Variants in UGT1A8 observed in about 807,000 individuals in gnomAD.
UGT1A8 encodes UDP glucuronosyltransferase family 1 member A8.
UGT1A8 carries 39 observed loss-of-function variants against 45.3 expected under a neutral mutation model. The ratio of observed to expected loss-of-function variants is 0.86; its 90% CI spans 0.67 to 1.12. The LOEUF (loss-of-function observed/expected upper bound fraction) is 1.12. UGT1A8 is among the 50% of genes most tolerant of loss of function. The pLI, the probability that UGT1A8 is intolerant of heterozygous loss-of-function variation, is 0.00. For missense variants in UGT1A8, 719 were observed against 664.9 expected, an observed-to-expected ratio of 1.08 and a Z score of -0.90; for synonymous variants, 275 against 249.2, an observed-to-expected ratio of 1.10 and a Z score of -0.97.
chr2:233,638,190 T>C (rs2073353049), intron 1 of UGT1A8, among the ~76,000 whole-genome samples: 1 of 152,198 alleles, frequency 6.6e-6, no homozygotes, highest in Non-Finnish European at 1.5e-5. Context: ...CACTATTTAT[T>C]CAGATCTTGT....
chr2:233,762,018 T>C (rs141035986), intron 1 of UGT1A8, among the ~76,000 whole-genome samples: 3 of 152,328 alleles, frequency 2.0e-5, no homozygotes, highest in African/African-American at 7.2e-5. Flanking sequence ...ATGTGATTTG[T>C]ATTTTATTTT....
intron 1 of UGT1A8, chr2:233,754,501 CT>C (rs1695497975): frequency 2.8e-6 from 1 of 356,918 alleles, no homozygotes; most frequent in Non-Finnish European, 5.6e-6. Context: ...AAAAAGTCCG[CT>C]ATTCCTCCAG....
chr2:233,642,272 G>A (rs1218449710), intron 1 of UGT1A8, among the ~76,000 whole-genome samples: 1 of 152,006 alleles, frequency 6.6e-6, no homozygotes, highest in Admixed American at 6.6e-5. Flanking sequence ...ATTATTTCTT[G>A]TGTTTGGTCC....
chr2:233,755,882 G>A (rs1696054394), intron 1 of UGT1A8: 2 of 152,208 alleles, frequency 1.3e-5, no homozygotes, highest in Non-Finnish European at 2.9e-5. Context: ...ACCTTTTTAT[G>A]TAACTTTTTT....
In UGT1A8 at chr2:233,659,709, TCTTTC is replaced by T. The variant is rs770628164; in HGVS notation, c.855+41148_855+41152del. 5.2e-3 allele frequency among the ~76,000 whole-genome samples: 793 copies of T among 152,346 alleles called. 4 individuals are homozygous for T. The highest frequency in any genetic ancestry group is 8.6e-3 in the Non-Finnish European group (586 of 68,036). ...CATAATTACTGTCTGACATTTTTGC[TCTTTC>T]AGTTCTTTAAAAATGCTTGATATAG... On this transcript the variant is annotated intron_variant, in intron 1 of 4. Coordinates refer to ENST00000373450, the MANE Select transcript of UGT1A8 (RefSeq NM_019076.5).
chr2:233,683,038 T>A (rs1300637615), intron 1 of UGT1A8, among the ~76,000 whole-genome samples: 1 of 152,184 alleles, frequency 6.6e-6, no homozygotes, highest in Non-Finnish European at 1.5e-5. Context: ...CTAAATGCTA[T>A]TTTTGGAAAA....
chr2:233,717,741 G>A (rs1450778461), intron 1 of UGT1A8: 3 of 456,402 alleles, frequency 6.6e-6, no homozygotes, highest in African/African-American at 6.0e-5. Flanking sequence ...TGAGTGCTCA[G>A]GGTCTCCCCC....
chr2:233,672,529 G>C, intron 1 of UGT1A8: 2 of 1,613,928 alleles, frequency 1.2e-6, no homozygotes, highest in East Asian at 2.2e-5. Flanking sequence ...AGGGTTCTCA[G>C]ATGCCATGAC....
At chr2:233,665,754 A>C (rs1324010221) in intron 1 of UGT1A8, among the ~76,000 whole-genome samples, 2 of 152,236 alleles carry the variant, frequency 1.3e-5, no homozygotes, top group Non-Finnish European at 1.5e-5. Context: ...GAAAATTTAA[A>C]AATACACACA....
At chr2:233,652,588 G>A (rs2073766637) in intron 1 of UGT1A8, among the ~76,000 whole-genome samples, 1 of 152,152 alleles carries the variant, frequency 6.6e-6, no homozygotes, top group Admixed American at 6.5e-5. Context: ...AATGCATAAT[G>A]AAATTTCCCC....
chr2:233,627,586 C>T (rs2073106291), intron 1 of UGT1A8, among the ~76,000 whole-genome samples: 1 of 151,764 alleles, frequency 6.6e-6, no homozygotes, highest in African/African-American at 2.4e-5. Flanking sequence ...GGCATAGCTG[C>T]AGCAATGTCT....
rs527503361 is a variant in UGT1A8 at position 233,743,746 on chromosome 2, C to T, written c.856-23288C>T. ...CATAGATATCGCGTTTCTTGGCGTC[C>T]GACAACACCTCGTAGGCCTCGGCCA... On this transcript the variant is annotated intron_variant, in intron 1 of 4. Coordinates refer to ENST00000373450, the MANE Select transcript of UGT1A8 (RefSeq NM_019076.5). The T allele has an allele frequency of 1.3e-5, 18 of 1,367,364 alleles. 1 individual carries two copies. The highest frequency in any genetic ancestry group is 1.0e-4 in the African/African-American group (7 of 67,556). 84.7% of individuals were successfully genotyped at this position (1,367,364 alleles called of 1,614,324 possible).
At chr2:233,715,168 G>A (rs926967380) in intron 1 of UGT1A8, among the ~76,000 whole-genome samples, 5 of 152,054 alleles carry the variant, frequency 3.3e-5, no homozygotes, top group Non-Finnish European at 7.4e-5. Flanking sequence ...TTACAGGCGC[G>A]AGCCACCACA....
At chr2:233,650,889 C>T (rs552721249) in intron 1 of UGT1A8, among the ~76,000 whole-genome samples, 4 of 152,258 alleles carry the variant, frequency 2.6e-5, no homozygotes, top group Non-Finnish European at 4.4e-5. Context: ...GATGATCCCT[C>T]ATCTATTACT....
chr2:233,696,004 G>A (rs1283289203), intron 1 of UGT1A8, among the ~76,000 whole-genome samples: 1 of 152,002 alleles, frequency 6.6e-6, no homozygotes, highest in East Asian at 1.9e-4. Flanking sequence ...ATAGCATCAG[G>A]TCCCACAGAC....
At chr2:233,756,970 G>A (rs550793027) in intron 1 of UGT1A8, among the ~76,000 whole-genome samples, 57 of 152,062 alleles carry the variant, frequency 3.7e-4, no homozygotes, top group Non-Finnish European at 5.3e-4. Context: ...TGGTAAGCAC[G>A]CAATGAACAG....
intron 1 of UGT1A8, among the ~76,000 whole-genome samples, chr2:233,717,069 ACGTAAC>A (rs1446904870): frequency 6.6e-6 from 1 of 152,152 alleles, no homozygotes. Flanking sequence ...AGTGCCAGAC[ACGTAAC>A]CAGAAATCAG....
intron 1 of UGT1A8, among the ~76,000 whole-genome samples, chr2:233,681,219 C>G (rs2074514463): frequency 1.3e-5 from 2 of 151,902 alleles, no homozygotes; most frequent in Admixed American, 6.6e-5. Context: ...TCTTTCTGGG[C>G]AGAGGACAAA....
At chr2:233,621,834 A>G (rs2073012683) in intron 1 of UGT1A8, among the ~76,000 whole-genome samples, 1 of 152,142 alleles carries the variant, frequency 6.6e-6, no homozygotes, top group Non-Finnish European at 1.5e-5. Flanking sequence ...GCACCCATCA[A>G]CTGATCATTT....
Sources: allele counts gnomAD v4.1 joint callset (sites outside exome capture counted in the v4.1 genomes callset), GRCh38; gene constraint gnomAD v4.1.1; transcripts MANE v1.5; gene names NCBI Gene and HGNC (gene_info 2026-07-23, HGNC 2026-07-21).